Variants in CCDC57 observed in about 807,000 individuals in gnomAD.
CCDC57 encodes coiled-coil domain-containing protein 57.
Under a neutral mutation model 118.9 loss-of-function variants are expected in CCDC57, and 118 were observed. The ratio of observed to expected loss-of-function variants is 0.99; its 90% CI spans 0.86 to 1.16. CCDC57 has a LOEUF of 1.16. CCDC57 is among the 50% of genes most tolerant of loss of function. The pLI is 0.00. For synonymous variants in CCDC57, 527 were observed against 532.9 expected (o/e 0.99, Z 0.15); for missense variants, 1,300 against 1,320.7 (o/e 0.98, Z 0.24).
chr17:82,147,362 G>A, intron 16 of CCDC57, among the ~76,000 whole-genome samples: 1 of 149,030 alleles, frequency 6.7e-6, no homozygotes, highest in Non-Finnish European at 1.5e-5. Flanking sequence ...TGGTGGATGA[G>A]TGAGAGTGGC....
In CCDC57 at chr17:82,118,961, C is replaced by T. The variant is rs1487523637; in HGVS notation, c.2899+8731G>A. On this transcript the variant is annotated intron_variant, in intron 19 of 19. Transcript: ENST00000665763. This position sits in a 1 kb window ranked among gnomAD's most constrained non-coding sequence, Gnocchi z 4.7. ...GGAATGCCTGGTAGTGTGTGGTCCCCGTGAGAGGAAGCGGAGATCAGAGTA... is the reference window on the plus strand; with the variant it reads ...GGAATGCCTGGTAGTGTGTGGTCCCTGTGAGAGGAAGCGGAGATCAGAGTA... Among the ~76,000 whole-genome samples, 1 of 151,352 alleles carries T rather than the reference C, an allele frequency of 6.6e-6. No individual in the cohort carries two copies. Among genetic ancestry groups the T allele is most frequent in the Non-Finnish European group, 1.5e-5 (1 of 67,886 alleles).
intron 19 of CCDC57, among the ~76,000 whole-genome samples, chr17:82,116,434 T>A (rs1182670993): frequency 6.6e-6 from 1 of 152,092 alleles, no homozygotes; most frequent in African/African-American, 2.4e-5. Context: ...CCAATCTTGA[T>A]GAGGCTCTAC....
At chr17:82,113,230 C>T (rs2035422135) in intron 19 of CCDC57, 1 of 606,934 alleles carries the variant, frequency 1.6e-6, no homozygotes, top group Admixed American at 2.9e-5. Context: ...AGGCGGGGGG[C>T]TGGGGTTGTC....
intron 15 of CCDC57, among the ~76,000 whole-genome samples, chr17:82,152,529 C>T (rs1471485332): frequency 6.6e-6 from 1 of 152,270 alleles, no homozygotes; most frequent in Non-Finnish European, 1.5e-5. Context: ...CCAACCTGGA[C>T]TTGCAGCCCA....
chr17:82,112,746 C>T (rs1006644747), intron 19 of CCDC57: 1 of 152,586 alleles, frequency 6.6e-6, no homozygotes, highest in African/African-American at 2.4e-5. Flanking sequence ...AAGGCCAGGG[C>T]CCCAGGGTTC....
chr17:82,148,451 A>G (rs180931064), intron 16 of CCDC57, among the ~76,000 whole-genome samples: 2 of 26,092 alleles, frequency 7.7e-5, no homozygotes, highest in African/African-American at 1.6e-4. Context: ...GTGGATGGGT[A>G]GATGGATGGA....
chr17:82,104,369 T>A (rs2034691487), intron 19 of CCDC57, among the ~76,000 whole-genome samples: 1 of 152,098 alleles, frequency 6.6e-6, no homozygotes, highest in Non-Finnish European at 1.5e-5. Flanking sequence ...TTCTGGAAAG[T>A]TCCTGAAACA....
intron 2 of CCDC57, among the ~76,000 whole-genome samples, chr17:82,203,205 A>C (rs9747668): frequency 1.4e-4 from 21 of 151,956 alleles, no homozygotes; most frequent in East Asian, 3.9e-4. Context: ...GCATCTCTCC[A>C]CCACTCACAC....
At chr17:82,149,786 G>A in intron 16 of CCDC57, among the ~76,000 whole-genome samples, 1 of 147,538 alleles carries the variant, frequency 6.8e-6, no homozygotes, top group East Asian at 2.0e-4. Context: ...CCCGCACCCA[G>A]AACCAGGCGC....
At chr17:82,133,467 G>T (rs1191264921) in intron 17 of CCDC57, among the ~76,000 whole-genome samples, 2 of 145,434 alleles carry the variant, frequency 1.4e-5, no homozygotes. Context: ...AGAAGTTTTT[G>T]GTTTTTTTTT....
intron 3 of CCDC57, among the ~76,000 whole-genome samples, chr17:82,199,003 A>C (rs992334617): frequency 4.0e-5 from 5 of 123,808 alleles, no homozygotes; most frequent in African/African-American, 1.5e-4. Flanking sequence ...AAAAAAAAAA[A>C]AAAAAAGAAA....
chr17:82,146,018 G>A (rs1030760047), intron 16 of CCDC57, among the ~76,000 whole-genome samples: 20 of 152,266 alleles, frequency 1.3e-4, no homozygotes, highest in African/African-American at 4.6e-4. Context: ...GTGGCGGTCA[G>A]CTTGCTCCCT....
intron 8 of CCDC57, among the ~76,000 whole-genome samples, chr17:82,184,540 C>A: frequency 6.6e-6 from 1 of 152,248 alleles, no homozygotes; most frequent in East Asian, 1.9e-4. Context: ...ACAGTACTAA[C>A]CTAGGCAAGA....
At chr17:82,101,677 G>A in exon 20 of CCDC57, 2 of 1,596,722 alleles carry the variant, frequency 1.3e-6, no homozygotes. Context: ...GGTGGGGGGA[G>A]GAAGTCAGTC....
intron 17 of CCDC57, among the ~76,000 whole-genome samples, chr17:82,129,263 A>G (rs957853901): frequency 2.0e-4 from 30 of 152,160 alleles, no homozygotes; most frequent in African/African-American, 7.2e-4. Flanking sequence ...TGCCCGCCCC[A>G]TGCCTGATGT....
rs1598611206 is a variant in CCDC57, at chr17:82,107,317, G to A, written c.2900-5451C>T. The A allele has an allele frequency of 1.2e-5, 5 of 424,296 alleles. No homozygotes were observed. The Admixed American group carries it at 1.2e-4, about 10-fold the overall frequency. The allele number at this position is 424,296 out of a possible 1,614,324, so 26.3% of individuals were successfully genotyped here. On this transcript the variant is annotated intron_variant, in intron 19 of 19. Coordinates refer to ENST00000665763, the Ensembl canonical transcript of CCDC57. Reference sequence around the variant, plus strand: ...CACACACCTGCAGCAGGTTGGGGGTGGGGGGATGCATGGCACAGTGGCTTG... The same window carrying A: ...CACACACCTGCAGCAGGTTGGGGGTAGGGGGATGCATGGCACAGTGGCTTG...
At chr17:82,168,792 TA>T (rs57467852) in intron 13 of CCDC57, among the ~76,000 whole-genome samples, 68,018 of 144,634 alleles carry the variant, frequency 0.47, 16,355 homozygotes, top group East Asian at 0.86. Context: ...TCAATTATCC[TA>T]AAAAAAAAAA....
chr17:82,138,085 G>C (rs1422837976), intron 16 of CCDC57, among the ~76,000 whole-genome samples: 1 of 151,166 alleles, frequency 6.6e-6, no homozygotes, highest in Non-Finnish European at 1.5e-5. Context: ...TAGGTACAAG[G>C]TGGGGTGTGG....
At chr17:82,187,880 A>G (rs1314513134) in intron 8 of CCDC57, among the ~76,000 whole-genome samples, 7 of 151,466 alleles carry the variant, frequency 4.6e-5, no homozygotes, top group African/African-American at 1.7e-4. Flanking sequence ...AGTTCTGGAG[A>G]TGACAGTGGT....
Sources: gnomAD v4.1 joint callset for allele counts (sites outside exome capture counted in the v4.1 genomes callset) on GRCh38, gnomAD v4.1.1 for gene constraint, Gnocchi (gnomAD v3.1) non-coding constraint, MANE v1.5 for transcripts, NCBI Gene and HGNC (gene_info 2026-07-23, HGNC 2026-07-21) for gene names.